The following TNIK variants were observed in gnomAD, a reference collection of about 807,000 sequenced individuals.
TNIK encodes TRAF2 and NCK-interacting protein kinase.
Under a neutral mutation model 191.3 loss-of-function variants are expected in TNIK, and 49 were observed. The ratio of observed to expected loss-of-function variants is 0.26; its 90% CI spans 0.20 to 0.32. The LOEUF (loss-of-function observed/expected upper bound fraction) is 0.32, where lower values mean the gene tolerates loss of function less well. Among genes scored for constraint, TNIK ranks in the 10% least tolerant of loss-of-function variants. TNIK has a pLI of 1.00. For missense variants in TNIK, 1,155 were observed against 1,702.3 expected, an observed-to-expected ratio of 0.68 and a Z score of 5.66; for synonymous variants, 594 against 600.9, an observed-to-expected ratio of 0.99 and a Z score of 0.17.
intron 4 of TNIK, among the ~76,000 whole-genome samples, chr3:171,201,490 A>T (rs1412120770): frequency 1.3e-5 from 2 of 152,192 alleles, no homozygotes; most frequent in Non-Finnish European, 2.9e-5. Flanking sequence ...TAACCCAGAA[A>T]CATCAATGAG....
intron 1 of TNIK, among the ~76,000 whole-genome samples, chr3:171,427,239 A>G (rs1724763369): frequency 6.6e-6 from 1 of 152,156 alleles, no homozygotes; most frequent in South Asian, 2.1e-4. Context: ...ATCTCAGCAG[A>G]AAAGCTGGCT....
chr3:171,379,652 G>A (rs1413746841), intron 1 of TNIK, among the ~76,000 whole-genome samples: 1 of 152,190 alleles, frequency 6.6e-6, no homozygotes, highest in Non-Finnish European at 1.5e-5. Flanking sequence ...AGATATTGGA[G>A]AAGGATAGCT....
At chr3:171,347,808 A>G (rs1712507237) in intron 2 of TNIK, among the ~76,000 whole-genome samples, 1 of 152,172 alleles carries the variant, frequency 6.6e-6, no homozygotes, top group African/African-American at 2.4e-5. Context: ...AAGGAAACCT[A>G]GGGAAGTGAC....
At chr3:171,355,647 A>G (rs931497) in intron 2 of TNIK, among the ~76,000 whole-genome samples, 102,705 of 152,094 alleles carry the variant, frequency 0.68, 35,137 homozygotes, top group East Asian at 0.97. Context: ...TCATGAAAGT[A>G]TCTGATAGAG....
intron 18 of TNIK, among the ~76,000 whole-genome samples, chr3:171,113,989 C>G (rs80085134): frequency 4.7e-5 from 4 of 84,504 alleles, no homozygotes; most frequent in African/African-American, 1.9e-4. Context: ...GAGGATTTTA[C>G]GATTTTGTTA....
At position 171,259,520 on chromosome 3, in the gene TNIK, C is replaced by T. The variant is rs552680920; in HGVS notation, c.124-31299G>A. On this transcript the variant is annotated intron_variant, in intron 2 of 32. Coordinates refer to ENST00000436636, the MANE Select transcript of TNIK (RefSeq NM_015028.4). ...TTGAACAAAGAAGGTGGAAAGGATT[C>T]CAGTGCCTTACATTTTGCTTCACCC... is the stretch of plus-strand genomic sequence containing the variant. Among the ~76,000 whole-genome samples the T allele has an allele frequency of 1.0e-3, 156 of 152,262 alleles. No homozygotes were observed. The Middle Eastern group carries it at 0.02, about 20-fold the overall frequency.
intron 15 of TNIK, among the ~76,000 whole-genome samples, chr3:171,133,581 G>A (rs1729601016): frequency 6.6e-6 from 1 of 152,242 alleles, no homozygotes; most frequent in Non-Finnish European, 1.5e-5. Context: ...GAAGGCAGGA[G>A]ACACGCCCTA....
Position 171,163,265 on chromosome 3 carries a change from T to G in TNIK, c.950-1929A>C, listed in dbSNP as rs1436820954. ...AATGAGGAACCCTTGGAGGAGCTTT[T>G]AAGCAAAGGAAGGTGTCACATTACT... On this transcript the variant is annotated intron_variant, in intron 10 of 32. Coordinates refer to ENST00000436636, the MANE Select transcript of TNIK (RefSeq NM_015028.4). Among the ~76,000 whole-genome samples, 4 of 152,216 alleles carry G rather than the reference T, an allele frequency of 2.6e-5. No individual in the cohort carries two copies. In the East Asian group the frequency reaches 7.7e-4, roughly 29 times the overall value.
At chr3:171,427,529 T>C (rs1560060691) in intron 1 of TNIK, among the ~76,000 whole-genome samples, 1 of 152,162 alleles carries the variant, frequency 6.6e-6, no homozygotes, top group Non-Finnish European at 1.5e-5. Context: ...AAGGCAGTTA[T>C]AAGATTTAAA....
intron 2 of TNIK, among the ~76,000 whole-genome samples, chr3:171,235,772 G>T (rs992189339): frequency 6.6e-6 from 1 of 151,648 alleles, no homozygotes; most frequent in African/African-American, 2.4e-5. Flanking sequence ...TTTTGGTGGG[G>T]GGGGGGTTTA....
chr3:171,171,346 G>A (rs767358299), intron 9 of TNIK, among the ~76,000 whole-genome samples: 2 of 152,082 alleles, frequency 1.3e-5, no homozygotes, highest in Non-Finnish European at 2.9e-5. Context: ...AACCCACCAA[G>A]AATCAGAACT....
intron 2 of TNIK, among the ~76,000 whole-genome samples, chr3:171,301,007 G>C (rs1372811175): frequency 1.3e-5 from 2 of 152,100 alleles, no homozygotes; most frequent in Non-Finnish European, 2.9e-5. Flanking sequence ...TTTGGATCGG[G>C]AGAGTCACAG....
At chr3:171,332,762 G>A (rs1236264702) in intron 2 of TNIK, among the ~76,000 whole-genome samples, 1 of 152,204 alleles carries the variant, frequency 6.6e-6, no homozygotes, top group East Asian at 1.9e-4. Flanking sequence ...ACACATAAAA[G>A]AATGATGTGA....
intron 2 of TNIK, among the ~76,000 whole-genome samples, chr3:171,316,128 T>G (rs1335000340): frequency 6.6e-6 from 1 of 152,100 alleles, no homozygotes; most frequent in Non-Finnish European, 1.5e-5. Flanking sequence ...CTTATCACCT[T>G]ATCACCCATC....
Position 171,059,024 on chromosome 3 carries a change from T to C in TNIK, c.*4857A>G, listed in dbSNP as rs1717605603. 6.6e-6 allele frequency among the ~76,000 whole-genome samples: 1 copy of C among 152,140 alleles called. No homozygotes were observed. Among genetic ancestry groups the C allele is most frequent in the Non-Finnish European group, 1.5e-5 (1 of 67,998 alleles). On this transcript the variant is annotated 3_prime_UTR_variant, in exon 33 of 33. Coordinates refer to ENST00000436636, the MANE Select transcript of TNIK (RefSeq NM_015028.4). ...GGGTAGCTGGGCATGATATTTACAG[T>C]GTACAAATAATGATCCATTGCCAGA... is the stretch of plus-strand genomic sequence containing the variant.
intron 18 of TNIK, among the ~76,000 whole-genome samples, chr3:171,116,475 T>A (rs1455143818): frequency 1.3e-5 from 2 of 152,248 alleles, no homozygotes; most frequent in Non-Finnish European, 2.9e-5. Flanking sequence ...TTCCATTCAT[T>A]TGAATCATAA....
chr3:171,309,531 C>G (rs888816244), intron 2 of TNIK, among the ~76,000 whole-genome samples: 1 of 152,090 alleles, frequency 6.6e-6, no homozygotes, highest in African/African-American at 2.4e-5. Flanking sequence ...AACAAACTTG[C>G]ACGTGCACCC....
At chr3:171,181,727 AATG>A (rs1736668286) in intron 7 of TNIK, among the ~76,000 whole-genome samples, 1 of 152,222 alleles carries the variant, frequency 6.6e-6, no homozygotes, top group African/African-American at 2.4e-5. Context: ...CCAACAGACT[AATG>A]ATGCCAGCAC....
chr3:171,191,412 T>C (rs1283368398), intron 5 of TNIK, among the ~76,000 whole-genome samples: 1 of 152,082 alleles, frequency 6.6e-6, no homozygotes, highest in African/African-American at 2.4e-5. Context: ...CAGGCTAATT[T>C]ATTTTAGTAC....
Sources: gnomAD v4.1 joint callset for allele counts (sites outside exome capture counted in the v4.1 genomes callset) on GRCh38, gnomAD v4.1.1 for gene constraint, MANE v1.5 for transcripts, NCBI Gene and HGNC (gene_info 2026-07-23, HGNC 2026-07-21) for gene names.